SLC24A4: variants seen among roughly 807,000 people sequenced by gnomAD.
SLC24A4 encodes sodium/potassium/calcium exchanger 4.
SLC24A4 carries 53 observed loss-of-function variants against 79.0 expected under a neutral mutation model. That is an observed-to-expected ratio of 0.67 (90% CI 0.54 to 0.84). The LOEUF is 0.84. SLC24A4 is among the 40% of genes least tolerant of loss of function. SLC24A4 has a pLI of 0.00. For missense variants in SLC24A4, 731 were observed against 822.0 expected, an observed-to-expected ratio of 0.89 and a Z score of 1.35; for synonymous variants, 323 against 323.8, an observed-to-expected ratio of 1.00 and a Z score of 0.03.
intron 2 of SLC24A4, among the ~76,000 whole-genome samples, chr14:92,347,110 T>C (rs959777947): frequency 6.6e-6 from 1 of 152,200 alleles, no homozygotes; most frequent in African/African-American, 2.4e-5. Flanking sequence ...ATCGACTCTA[T>C]ATTCTTATTT....
intron 2 of SLC24A4, among the ~76,000 whole-genome samples, chr14:92,381,359 C>T (rs2141711787): frequency 6.6e-6 from 1 of 152,166 alleles, no homozygotes; most frequent in East Asian, 1.9e-4. Context: ...CATGTTCTCA[C>T]TCATAAGTGG....
chr14:92,342,664 G>A (rs565147407), intron 2 of SLC24A4, among the ~76,000 whole-genome samples: 1 of 152,316 alleles, frequency 6.6e-6, no homozygotes, highest in African/African-American at 2.4e-5. Context: ...TTACAGGCGT[G>A]CACCACCGCA....
At chr14:92,400,340 G>A (rs1890040967) in intron 2 of SLC24A4, among the ~76,000 whole-genome samples, 1 of 151,092 alleles carries the variant, frequency 6.6e-6, no homozygotes, top group Admixed American at 6.6e-5. Flanking sequence ...TCGGGAGGCT[G>A]AGGCAGGAGA....
Position 92,490,465 on chromosome 14 carries a change from T to C in SLC24A4, c.1538-1200T>C. 6.6e-6 allele frequency among the ~76,000 whole-genome samples: 1 copy of C among 152,114 alleles called. No homozygotes were observed. The highest frequency in any genetic ancestry group is 1.5e-5 in the Non-Finnish European group (1 of 68,038). ...AGCCTCTGATGTGCTTCTAGCCTGG[T>C]TGGGGAAAGAGAGCTCACCCTTCAG... On this transcript the variant is annotated intron_variant, in intron 14 of 16. Transcript: ENST00000532405. This position sits in a 1 kb window ranked among gnomAD's most constrained non-coding sequence, Gnocchi z 4.3.
In SLC24A4 at chr14:92,353,263, T is replaced by G. The variant is rs944931003; in HGVS notation, c.241+27285T>G. Among the ~76,000 whole-genome samples, 4 of 152,276 alleles carry G rather than the reference T, an allele frequency of 2.6e-5. No individual in the cohort carries two copies. Among genetic ancestry groups the G allele is most frequent in the African/African-American group, 9.6e-5 (4 of 41,476 alleles). On this transcript the variant is annotated intron_variant, in intron 2 of 16. Transcript: ENST00000532405. The surrounding 1 kb of genome is among the most constrained non-coding windows in gnomAD (Gnocchi z 4.1). ...GAAGGCTAACCCAAGTCATTAATAATTAAATGTTTCTTTTCCCATCCTTTA... is the reference window on the plus strand; with the variant it reads ...GAAGGCTAACCCAAGTCATTAATAAGTAAATGTTTCTTTTCCCATCCTTTA...
chr14:92,426,913 G>C (rs942779586), intron 2 of SLC24A4, among the ~76,000 whole-genome samples: 1 of 152,146 alleles, frequency 6.6e-6, no homozygotes, highest in African/African-American at 2.4e-5. Context: ...CAGAATAAAC[G>C]TCAAGGCTTA....
chr14:92,367,656 C>T (rs1473627245), intron 2 of SLC24A4, among the ~76,000 whole-genome samples: 1 of 152,224 alleles, frequency 6.6e-6, no homozygotes, highest in Non-Finnish European at 1.5e-5. Flanking sequence ...GCTACCCTTC[C>T]TACAGGAAAG....
intron 7 of SLC24A4, among the ~76,000 whole-genome samples, chr14:92,445,067 T>C (rs1737533899): frequency 6.6e-6 from 1 of 152,142 alleles, no homozygotes; most frequent in South Asian, 2.1e-4. Flanking sequence ...CAGCAGCTAC[T>C]TGGACTGTTA....
intron 12 of SLC24A4, among the ~76,000 whole-genome samples, chr14:92,476,421 AT>A (rs34598722): frequency 1.4e-4 from 21 of 152,020 alleles, no homozygotes; most frequent in Admixed American, 4.6e-4. Context: ...AGCTAACCAT[AT>A]TCTCTTGGCT....
In SLC24A4 at chr14:92,443,413, C is replaced by T. The variant is rs372741185; in HGVS notation, c.596C>T (p.Thr199Met). 1.9e-5 allele frequency: 30 copies of T among 1,614,036 alleles called. No homozygotes were observed. The highest frequency in any genetic ancestry group is 1.0e-4 in the Admixed American group (6 of 60,006). Residue 199 changes from threonine to methionine, a missense_variant, in exon 7 of 17, where the codon ACG (threonine) becomes ATG (methionine). Coordinates refer to ENST00000532405, the MANE Select transcript of SLC24A4 (RefSeq NM_153646.4). The part of the protein sequence containing the change: ...GLFAGQVVRL[T>M]WWAVCRDSVY... Reference sequence around the variant, plus strand: ...CTCTGCTGGCAGGTGGTCCGTCTGACGTGGTGGGCCGTGTGCCGAGACTCC... The same window carrying T: ...CTCTGCTGGCAGGTGGTCCGTCTGATGTGGTGGGCCGTGTGCCGAGACTCC...
intron 2 of SLC24A4, among the ~76,000 whole-genome samples, chr14:92,362,794 T>G (rs769396860): frequency 4.1e-4 from 63 of 152,206 alleles, no homozygotes; most frequent in Non-Finnish European, 8.7e-4. Flanking sequence ...TTGTGCTGGG[T>G]CAACACATTT....
At chr14:92,339,118 T>C (rs1207582979) in intron 2 of SLC24A4, among the ~76,000 whole-genome samples, 2 of 152,206 alleles carry the variant, frequency 1.3e-5, no homozygotes, top group East Asian at 3.9e-4. Flanking sequence ...GCTGGATGCA[T>C]GTTGATGGAG....
intron 2 of SLC24A4, among the ~76,000 whole-genome samples, chr14:92,340,664 T>C (rs188203571): frequency 3.3e-5 from 5 of 152,246 alleles, no homozygotes; most frequent in Admixed American, 2.6e-4. Flanking sequence ...AGGAACTGCT[T>C]ACCTTTTCAC....
intron 2 of SLC24A4, among the ~76,000 whole-genome samples, chr14:92,391,003 G>C (rs1889428994): frequency 6.6e-6 from 1 of 152,196 alleles, no homozygotes; most frequent in Non-Finnish European, 1.5e-5. Flanking sequence ...TCTTGGACAT[G>C]CATCCAATGG....
At chr14:92,476,084 C>G (rs1894747693) in intron 12 of SLC24A4, among the ~76,000 whole-genome samples, 1 of 152,174 alleles carries the variant, frequency 6.6e-6, no homozygotes, top group African/African-American at 2.4e-5. Flanking sequence ...AGTTTGGTGT[C>G]TGGGAACATA....
At chr14:92,460,065 T>A (rs1893711974) in intron 12 of SLC24A4, among the ~76,000 whole-genome samples, 1 of 152,180 alleles carries the variant, frequency 6.6e-6, no homozygotes, top group Admixed American at 6.5e-5. Flanking sequence ...GAAGCCACCC[T>A]GCTGGTGAGC....
chr14:92,332,055 G>A (rs1885509912), intron 2 of SLC24A4, among the ~76,000 whole-genome samples: 1 of 152,108 alleles, frequency 6.6e-6, no homozygotes, highest in Non-Finnish European at 1.5e-5. Flanking sequence ...GAGGCAGGCA[G>A]ATCACTTGAG....
chr14:92,464,470 A>G (rs1893982892), intron 12 of SLC24A4, among the ~76,000 whole-genome samples: 1 of 152,166 alleles, frequency 6.6e-6, no homozygotes, highest in Non-Finnish European at 1.5e-5. Flanking sequence ...AAGCCCACCC[A>G]ACAGATCTTC....
chr14:92,393,154 C>T (rs115577497), intron 2 of SLC24A4, among the ~76,000 whole-genome samples: 64 of 152,366 alleles, frequency 4.2e-4, no homozygotes, highest in African/African-American at 1.5e-3. Context: ...GCTGGGGCTT[C>T]GATCTTAGAC....
Sources: allele counts gnomAD v4.1 joint callset (sites outside exome capture counted in the v4.1 genomes callset), GRCh38; gene constraint gnomAD v4.1.1; non-coding constraint Gnocchi (gnomAD v3.1); transcripts MANE v1.5; gene names NCBI Gene and HGNC (gene_info 2026-07-23, HGNC 2026-07-21).